ASB3: variants seen among roughly 807,000 people sequenced by gnomAD.
ASB3 encodes ankyrin repeat and SOCS box containing 3.
ASB3 carries 41 observed loss-of-function variants against 54.5 expected under a neutral mutation model. The observed-to-expected ratio is 0.75, with a 90% CI of 0.59 to 0.98. The LOEUF is 0.98. ASB3 is among the 50% of genes least tolerant of loss of function. The pLI is 0.00. For synonymous variants in ASB3, 266 were observed against 221.2 expected, an observed-to-expected ratio of 1.20 and a Z score of -1.80; for missense variants, 733 against 620.0, an observed-to-expected ratio of 1.18 and a Z score of -1.94.
intron 9 of ASB3, among the ~76,000 whole-genome samples, chr2:53,679,772 G>T (rs1007039398): frequency 6.6e-6 from 1 of 151,872 alleles, no homozygotes; most frequent in Admixed American, 6.6e-5. Flanking sequence ...TAAGTTCAGG[G>T]GTACATGTGT....
chr2:53,681,184 T>C (rs577021732), intron 9 of ASB3, among the ~76,000 whole-genome samples: 1 of 152,202 alleles, frequency 6.6e-6, no homozygotes, highest in African/African-American at 2.4e-5. Context: ...AGTGCTGCAA[T>C]AAACATTTTC....
At chr2:53,753,668 A>G (rs6739630) in intron 2 of ASB3, among the ~76,000 whole-genome samples, 13,546 of 149,288 alleles carry the variant, frequency 0.091, 784 homozygotes, top group African/African-American at 0.17. Context: ...TTTTTTTGAG[A>G]CAGTGTTGCC....
intron 1 of ASB3, among the ~76,000 whole-genome samples, chr2:53,783,664 T>C (rs527747359): frequency 1.3e-5 from 2 of 152,222 alleles, no homozygotes; most frequent in Non-Finnish European, 2.9e-5. Context: ...TGTCATCAGA[T>C]ACACTAGACA....
At chr2:53,728,616 C>T (rs1671136277) in intron 5 of ASB3, 96 bp downstream of exon 5, 3 of 1,357,776 alleles carry the variant, frequency 2.2e-6, no homozygotes, top group African/African-American at 1.5e-5. Context: ...ATAAATTTCA[C>T]AACCTGATTT....
Position 53,770,571 on chromosome 2 carries a change from C to T in ASB3, c.-13-4986G>A, listed in dbSNP as rs540002480. 2.9e-4 allele frequency among the ~76,000 whole-genome samples: 41 copies of T among 142,060 alleles called. 2 individuals carry two copies. The South Asian group carries it at 9.1e-3, about 32-fold the overall frequency. The allele number at this position is 142,060 out of a possible 152,430, so 93.2% of individuals were successfully genotyped here. A position where few individuals can be genotyped will look rare whatever the true frequency, so the allele number is the denominator to read the frequency against. Reference sequence around the variant, plus strand: ...CACCTTTGTGCCTTAAATTATGGAACATTCCAAGTCTGGACTTTCTCTAAG... The same window carrying T: ...CACCTTTGTGCCTTAAATTATGGAATATTCCAAGTCTGGACTTTCTCTAAG... On this transcript the variant is annotated intron_variant, in intron 1 of 9. Transcript: ENST00000263634.
intron 3 of ASB3, among the ~76,000 whole-genome samples, chr2:53,738,034 A>T (rs1671740675): frequency 6.6e-6 from 1 of 152,188 alleles, no homozygotes; most frequent in Non-Finnish European, 1.5e-5. Flanking sequence ...TATACTGTGT[A>T]CCTCTTATGG....
intron 3 of ASB3, among the ~76,000 whole-genome samples, chr2:53,746,123 C>T (rs1672208871): frequency 6.6e-6 from 1 of 151,916 alleles, no homozygotes; most frequent in Admixed American, 6.6e-5. Context: ...CCCAACTCTA[C>T]AAAAATTAAA....
intron 2 of ASB3, among the ~76,000 whole-genome samples, 170 bp from the exon 3 acceptor site, chr2:53,751,111 T>C (rs1672487197): frequency 6.6e-6 from 1 of 152,120 alleles, no homozygotes; most frequent in Non-Finnish European, 1.5e-5. Context: ...TCTACAGAGA[T>C]CCCACTGTGA....
chr2:53,770,374 G>T (rs1573008880), intron 1 of ASB3, among the ~76,000 whole-genome samples: 1 of 151,982 alleles, frequency 6.6e-6, no homozygotes, highest in African/African-American at 2.4e-5. Context: ...ATTTAGGCTC[G>T]CTATGTGCCA....
chr2:53,698,824 A>G (rs1204594450), intron 8 of ASB3, among the ~76,000 whole-genome samples: 1 of 152,212 alleles, frequency 6.6e-6, no homozygotes, highest in Non-Finnish European at 1.5e-5. Context: ...ACTCACCAGA[A>G]TCACCCTTAA....
chr2:53,760,820 AACC>A (rs1673102176), intron 2 of ASB3, among the ~76,000 whole-genome samples: 1 of 152,190 alleles, frequency 6.6e-6, no homozygotes, highest in Non-Finnish European at 1.5e-5. Flanking sequence ...CTGTATCTTT[AACC>A]TCCTTGTTAA....
intron 8 of ASB3, among the ~76,000 whole-genome samples, chr2:53,699,268 C>T (rs530517805): frequency 3.5e-4 from 53 of 152,348 alleles, no homozygotes; most frequent in African/African-American, 1.3e-3. Flanking sequence ...AATATCTCAC[C>T]TCCAAATATC....
rs376711184 is a variant in ASB3, at chr2:53,771,886, T to C, written c.-13-6301A>G. 2.0e-5 allele frequency: 30 copies of C among 1,514,286 alleles called. 1 individual carries two copies. The African/African-American group carries it at 2.4e-4, about 12-fold the overall frequency. 93.8% of individuals were successfully genotyped at this position (1,514,286 alleles called of 1,614,324 possible). ...GAACTTTATTAATTCAGAAAAATTT[T>C]TTTTTACCTTTTTAAAACAGCCTGG... On this transcript the variant is annotated intron_variant, in intron 1 of 9. Coordinates refer to ENST00000263634, the MANE Select transcript of ASB3 (RefSeq NM_016115.5).
At chr2:53,733,570 T>G (rs1292602701) in intron 3 of ASB3, among the ~76,000 whole-genome samples, 1 of 151,952 alleles carries the variant, frequency 6.6e-6, no homozygotes, top group Non-Finnish European at 1.5e-5. Flanking sequence ...GCCTCCCGAG[T>G]AGCTGGGACT....
At chr2:53,762,645 T>C (rs941319864) in intron 2 of ASB3, among the ~76,000 whole-genome samples, 4 of 152,212 alleles carry the variant, frequency 2.6e-5, no homozygotes, top group Middle Eastern at 3.2e-3. Flanking sequence ...GACTTATTAT[T>C]GAATGGCATT....
intron 3 of ASB3, among the ~76,000 whole-genome samples, chr2:53,746,478 G>T (rs1317205062): frequency 1.2e-4 from 17 of 141,990 alleles, no homozygotes; most frequent in South Asian, 2.2e-4. Context: ...TTTTTGGGGG[G>T]TTTTTTCTTT....
At chr2:53,694,091 C>A in intron 8 of ASB3, 77 bp from the exon 9 acceptor site, 2 of 1,511,236 alleles carry the variant, frequency 1.3e-6, no homozygotes, top group Non-Finnish European at 9.0e-7. Context: ...ACACCACATA[C>A]CTATTCTTAC....
chr2:53,689,032 T>A lies in ASB3; in HGVS notation c.1369+4852A>T, dbSNP rs865932053. 3.3e-4 allele frequency among the ~76,000 whole-genome samples: 50 copies of A among 152,356 alleles called. 1 individual carries two copies. Among genetic ancestry groups the A allele is most frequent in the Middle Eastern group, 3.4e-3 (1 of 294 alleles). On this transcript the variant is annotated intron_variant, in intron 9 of 9. Transcript: ENST00000263634. ...AAAATAAATTGATCTAAATTTTTTT[T>A]AAAATTTTAGCCAGTAAATTTTAAA...
rs989622658 is a variant in ASB3, at chr2:53,774,672, T to C, written c.-13-9087A>G. 8 of 599,234 alleles carry C rather than the reference T, an allele frequency of 1.3e-5. No homozygotes were observed. The African/African-American group carries it at 1.3e-4, about 10-fold the overall frequency. 37.1% of individuals were successfully genotyped at this position (599,234 alleles called of 1,614,324 possible). The stretch of plus-strand genomic sequence containing the variant: ...TGTCCTGAAACACATATTTAAAATA[T>C]TGGGATACAGTGAAAGAAAAATTCA... On this transcript the variant is annotated intron_variant, in intron 1 of 9. Coordinates refer to ENST00000263634, the MANE Select transcript of ASB3 (RefSeq NM_016115.5).
Sources: gnomAD v4.1 joint callset for allele counts (sites outside exome capture counted in the v4.1 genomes callset) on GRCh38, gnomAD v4.1.1 for gene constraint, MANE v1.5 for transcripts, NCBI Gene and HGNC (gene_info 2026-07-23, HGNC 2026-07-21) for gene names.